Variants in RIN2 observed in about 807,000 individuals in gnomAD.
RIN2 encodes the protein Ras and Rab interactor 2.
Under a neutral mutation model 78.0 loss-of-function variants are expected in RIN2, and 36 were observed. That is an observed-to-expected ratio of 0.46 (90% CI 0.35 to 0.61). RIN2 has a LOEUF of 0.61. Among genes scored for constraint, RIN2 ranks in the 20% least tolerant of loss-of-function variants. The pLI is 0.00. For missense variants in RIN2, 1,087 were observed against 1,159.7 expected, an observed-to-expected ratio of 0.94 and a Z score of 0.91; for synonymous variants, 466 against 466.8, an observed-to-expected ratio of 1.00 and a Z score of 0.02.
intron 3 of RIN2, among the ~76,000 whole-genome samples, chr20:19,915,528 C>T (rs1383591504): frequency 6.6e-6 from 1 of 152,188 alleles, no homozygotes; most frequent in Admixed American, 6.5e-5. Context: ...GGGCAGAGCA[C>T]TCACAGTCTC....
intron 4 of RIN2, among the ~76,000 whole-genome samples, chr20:19,946,329 G>A (rs983437520): frequency 6.6e-6 from 1 of 152,172 alleles, no homozygotes; most frequent in Non-Finnish European, 1.5e-5. Flanking sequence ...TGACAGGTAG[G>A]TAGGTAGGAG....
At chr20:19,850,579 T>C (rs2036928960) in intron 2 of RIN2, among the ~76,000 whole-genome samples, 1 of 152,238 alleles carries the variant, frequency 6.6e-6, no homozygotes, top group Non-Finnish European at 1.5e-5. Flanking sequence ...TCAACTGGAA[T>C]GCCACCTACA....
chr20:19,939,704 C>T (rs549720559), intron 4 of RIN2, among the ~76,000 whole-genome samples: 71 of 152,254 alleles, frequency 4.7e-4, no homozygotes, highest in African/African-American at 1.7e-3. Context: ...TTTGTACTTG[C>T]GGTTCCTTCT....
intron 2 of RIN2, among the ~76,000 whole-genome samples, chr20:19,845,768 T>C (rs983381808): frequency 6.6e-6 from 1 of 152,150 alleles, no homozygotes; most frequent in Non-Finnish European, 1.5e-5. Context: ...TTTGTTGCCA[T>C]TGCTTTTGGT....
intron 1 of RIN2, among the ~76,000 whole-genome samples, chr20:19,764,645 C>T (rs2033789207): frequency 6.6e-6 from 1 of 152,332 alleles, no homozygotes; most frequent in African/African-American, 2.4e-5. Flanking sequence ...CTTAGTGGCT[C>T]TTCTGCATAG....
At chr20:19,996,651 G>C (rs2042977135) in intron 11 of RIN2, 28 bp from the exon 12 acceptor site, 1 of 1,613,554 alleles carries the variant, frequency 6.2e-7, no homozygotes, top group African/African-American at 1.3e-5. Flanking sequence ...TTGGCACTGG[G>C]AGGACCCACT....
chr20:19,761,128 C>G (rs759216735), intron 1 of RIN2, among the ~76,000 whole-genome samples: 1 of 152,212 alleles, frequency 6.6e-6, no homozygotes, highest in Non-Finnish European at 1.5e-5. Flanking sequence ...TTTTGTAGCA[C>G]ATTATAAAAT....
chr20:19,796,337 A>G (rs1342516184), intron 1 of RIN2, among the ~76,000 whole-genome samples: 2 of 152,232 alleles, frequency 1.3e-5, no homozygotes. Flanking sequence ...TAATTAATCA[A>G]ATTACATTCT....
Position 19,823,674 on chromosome 20 carries a change from T to A in RIN2, c.-37+23927T>A, listed in dbSNP as rs558380902. On this transcript the variant is annotated intron_variant, in intron 2 of 12. Coordinates refer to ENST00000255006, the MANE Select transcript of RIN2 (RefSeq NM_018993.4). ...TAATGTTTTTCTGTTTCTTTCTGTC[T>A]CTTGGTGGTTCCTTGAGGGCTTTGA... The A allele has an allele frequency of 1.1e-5, 18 of 1,580,348 alleles. No individual in the cohort carries two copies. In the South Asian group the frequency reaches 1.5e-4, roughly 14 times the overall value.
At chr20:19,761,301 C>G (rs1486354298) in intron 1 of RIN2, among the ~76,000 whole-genome samples, 3 of 152,214 alleles carry the variant, frequency 2.0e-5, no homozygotes, top group Non-Finnish European at 4.4e-5. Flanking sequence ...AGTGTATGTA[C>G]AGAGCAGGAT....
At chr20:19,877,799 G>A (rs769149659) in intron 2 of RIN2, among the ~76,000 whole-genome samples, 2 of 151,860 alleles carry the variant, frequency 1.3e-5, no homozygotes, top group Admixed American at 6.6e-5. Flanking sequence ...TGGGAGGATC[G>A]CTTGAGCCCA....
chr20:19,897,512 G>C (rs1331205132), intron 3 of RIN2, among the ~76,000 whole-genome samples: 1 of 152,098 alleles, frequency 6.6e-6, no homozygotes, highest in African/African-American at 2.4e-5. Context: ...TCTACAGATG[G>C]GGAAACTGAG....
intron 3 of RIN2, among the ~76,000 whole-genome samples, chr20:19,911,346 G>A (rs1335718468): frequency 2.6e-5 from 4 of 152,124 alleles, no homozygotes; most frequent in South Asian, 2.1e-4. Context: ...GAGCCACCGC[G>A]CCTGGCCCAA....
chr20:19,808,209 A>G (rs2035469308), intron 2 of RIN2, among the ~76,000 whole-genome samples: 1 of 152,248 alleles, frequency 6.6e-6, no homozygotes, highest in African/African-American at 2.4e-5. Flanking sequence ...AGATGCCTGC[A>G]TGCTTAGTGG....
chr20:19,815,271 T>TA (rs1175590263), intron 2 of RIN2, among the ~76,000 whole-genome samples: 1 of 152,236 alleles, frequency 6.6e-6, no homozygotes, highest in African/African-American at 2.4e-5. Flanking sequence ...AGAAGGCCTA[T>TA]AATGAGGCAA....
intron 2 of RIN2, among the ~76,000 whole-genome samples, chr20:19,849,443 A>T (rs991302073): frequency 1.3e-5 from 2 of 152,222 alleles, no homozygotes; most frequent in African/African-American, 4.8e-5. Context: ...GGGTCCTGGT[A>T]GCTGCGAGAG....
intron 2 of RIN2, among the ~76,000 whole-genome samples, chr20:19,839,730 T>G (rs1297387731): frequency 6.6e-6 from 1 of 152,188 alleles, no homozygotes; most frequent in Non-Finnish European, 1.5e-5. Flanking sequence ...CTTTTCTTTG[T>G]GCAATATGGC....
At chr20:19,758,504 G>C (rs902013555) in intron 1 of RIN2, among the ~76,000 whole-genome samples, 177 bp downstream of exon 1, 6 of 152,130 alleles carry the variant, frequency 3.9e-5, no homozygotes, top group Admixed American at 1.3e-4. Context: ...CTCGGGGATC[G>C]TGGGGAACGG....
chr20:19,854,949 G>C (rs1013015588), intron 2 of RIN2, among the ~76,000 whole-genome samples: 2 of 152,170 alleles, frequency 1.3e-5, no homozygotes, highest in Non-Finnish European at 2.9e-5. Context: ...GGGCATCCCT[G>C]TCTTGTGCCA....
Sources: gnomAD v4.1 joint callset for allele counts (sites outside exome capture counted in the v4.1 genomes callset) on GRCh38, gnomAD v4.1.1 for gene constraint, MANE v1.5 for transcripts, NCBI Gene and HGNC (gene_info 2026-07-23, HGNC 2026-07-21) for gene names.